Variants in DPP9 observed in about 807,000 individuals in gnomAD.
DPP9 encodes the protein dipeptidyl peptidase IV-related protein-2.
DPP9 carries 50 observed loss-of-function variants against 110.7 expected under a neutral mutation model. The observed-to-expected ratio is 0.45, with a 90% CI of 0.36 to 0.57. The LOEUF (loss-of-function observed/expected upper bound fraction) is 0.57, where lower values mean the gene tolerates loss of function less well. Among genes scored for constraint, DPP9 ranks in the 20% least tolerant of loss-of-function variants. The pLI, the probability that DPP9 is intolerant of heterozygous loss-of-function variation, is 0.00. For missense variants in DPP9, 1,022 were observed against 1,217.9 expected, an observed-to-expected ratio of 0.84 and a Z score of 2.39; for synonymous variants, 561 against 514.4, an observed-to-expected ratio of 1.09 and a Z score of -1.23.
intron 4 of DPP9, among the ~76,000 whole-genome samples, chr19:4,711,921 G>A (rs371959692): frequency 1.8e-4 from 27 of 152,164 alleles, no homozygotes; most frequent in African/African-American, 5.5e-4. Context: ...GCCACCAGAA[G>A]CTGCAAGAGG....
rs1469835822 is a variant in DPP9 at position 4,700,360 on chromosome 19, G to A, written c.1013-83C>T. Reference sequence around the variant, plus strand: ...CCGGCACGGGGGGCCTGGGCTGTGGGGTGACGTCCACAGAGAGGTGTACAA... The same window carrying A: ...CCGGCACGGGGGGCCTGGGCTGTGGAGTGACGTCCACAGAGAGGTGTACAA... On this transcript the variant is annotated intron_variant, in intron 9 of 21. Coordinates refer to ENST00000262960, the MANE Select transcript of DPP9 (RefSeq NM_139159.5). The surrounding 1 kb of genome is among the most constrained non-coding windows in gnomAD (Gnocchi z 4.3). The A allele has an allele frequency of 4.3e-6, 5 of 1,167,542 alleles. No individual in the cohort carries two copies. In the African/African-American group the frequency reaches 7.7e-5, roughly 18 times the overall value. 72.3% of individuals were successfully genotyped at this position (1,167,542 alleles called of 1,614,324 possible).
In DPP9 at chr19:4,700,641, G is replaced by A. The variant is rs892178963; in HGVS notation, c.1013-364C>T. On this transcript the variant is annotated intron_variant, in intron 9 of 21. Coordinates refer to ENST00000262960, the MANE Select transcript of DPP9 (RefSeq NM_139159.5). This position sits in a 1 kb window ranked among gnomAD's most constrained non-coding sequence, Gnocchi z 4.3. Reference sequence around the variant, plus strand: ...GCCTTGGGAGAGCTCCAGAGCAGACGGTGAAGCCCGAGGCATCACAGTAAA... The same window carrying A: ...GCCTTGGGAGAGCTCCAGAGCAGACAGTGAAGCCCGAGGCATCACAGTAAA... 2.0e-5 allele frequency among the ~76,000 whole-genome samples: 3 copies of A among 152,192 alleles called. No homozygotes were observed. Among genetic ancestry groups the A allele is most frequent in the Non-Finnish European group, 4.4e-5 (3 of 68,034 alleles).
chr19:4,680,977 C>T (rs1041279648), intron 20 of DPP9, among the ~76,000 whole-genome samples: 1 of 152,060 alleles, frequency 6.6e-6, no homozygotes, highest in East Asian at 1.9e-4. Flanking sequence ...CAAAAACCCA[C>T]CTAGGTCTGC....
Position 4,685,292 on chromosome 19 carries a change from C to A in DPP9, c.2031+334G>T. Reference sequence around the variant, plus strand: ...GCCAATCTGCTGCCTGCTTTTGACCCCTGCTCCAGGAATTGGGCCCAGGGC... The same window carrying A: ...GCCAATCTGCTGCCTGCTTTTGACCACTGCTCCAGGAATTGGGCCCAGGGC... On this transcript the variant is annotated intron_variant, in intron 17 of 21. Transcript: ENST00000262960. This position sits in a 1 kb window ranked among gnomAD's most constrained non-coding sequence, Gnocchi z 5.8. The A allele has an allele frequency of 1.8e-6, 1 of 553,666 alleles. No individual in the cohort carries two copies. 34.3% of individuals were successfully genotyped at this position (553,666 alleles called of 1,614,324 possible).
At chr19:4,705,087 A>T (rs941544645) in intron 5 of DPP9, among the ~76,000 whole-genome samples, 12 of 152,192 alleles carry the variant, frequency 7.9e-5, no homozygotes, top group Admixed American at 2.0e-4. Flanking sequence ...GGACTCAGAG[A>T]CAGGCCAAAG....
In DPP9 at chr19:4,704,333, C is replaced by T. The variant is rs373757822; in HGVS notation, c.427-29G>A. 31 of 1,588,976 alleles carry T rather than the reference C, an allele frequency of 2.0e-5. No homozygotes were observed. Among genetic ancestry groups the T allele is most frequent in the African/African-American group, 5.4e-5 (4 of 74,512 alleles). On this transcript the variant is annotated intron_variant, in intron 5 of 21. Transcript: ENST00000262960. This position sits in a 1 kb window ranked among gnomAD's most constrained non-coding sequence, Gnocchi z 6.0. ...GAAACATACAGGGGACAGGGGGCAG[C>T]GTCAGTGGGCAAAGAGGATCTCCCG... is the stretch of plus-strand genomic sequence containing the variant.
At chr19:4,679,315 A>C (rs1372628878) in intron 21 of DPP9, 1 of 147,088 alleles carries the variant, frequency 6.8e-6, no homozygotes, top group Non-Finnish European at 1.5e-5. Flanking sequence ...ACCTAGACTG[A>C]GCCCCACGTT....
rs561986228 is a variant in DPP9, at chr19:4,710,824, C to T, written c.313+3257G>A. 3.9e-5 allele frequency among the ~76,000 whole-genome samples: 6 copies of T among 152,190 alleles called. No individual in the cohort carries two copies. Among genetic ancestry groups the T allele is most frequent in the Admixed American group, 2.6e-4 (4 of 15,292 alleles). ...AGTCGTTGAAGGGTGAATTTCACCC[C>T]GAAAGGGGCAGTCTGGTTTTTGAGC... On this transcript the variant is annotated intron_variant, in intron 4 of 21. Coordinates refer to ENST00000262960, the MANE Select transcript of DPP9 (RefSeq NM_139159.5). The surrounding 1 kb of genome is among the most constrained non-coding windows in gnomAD (Gnocchi z 5.6).
In DPP9 at chr19:4,704,242, C is replaced by T. The variant is rs1044713183; in HGVS notation, c.489G>A (p.Leu163=). The T allele has an allele frequency of 8.1e-6, 13 of 1,613,992 alleles. No individual in the cohort carries two copies. The highest frequency in any genetic ancestry group is 1.0e-5 in the Non-Finnish European group (12 of 1,179,896). ...CGTAGGAGGTGATGCCGAAGACCCC[C>T]AGGCGTTTCCGCTCCCTCAGCAGCT... ...EEELLRERKR[L]GVFGITSYDF... The change falls in exon 6 of 22, where the codon CTG becomes CTA. Residue 163 remains leucine (L), a synonymous_variant. Coordinates refer to ENST00000262960, the MANE Select transcript of DPP9 (RefSeq NM_139159.5). This position sits in a 1 kb window ranked among gnomAD's most constrained non-coding sequence, Gnocchi z 6.0.
chr19:4,713,145 G>T (rs1046779766), intron 4 of DPP9, among the ~76,000 whole-genome samples: 1 of 152,240 alleles, frequency 6.6e-6, no homozygotes, highest in Non-Finnish European at 1.5e-5. Flanking sequence ...TGCAGTGGCC[G>T]GACGGCCCCA....
rs140412003 is a variant in DPP9 at position 4,685,426 on chromosome 19, G to T, written c.2031+200C>A. On this transcript the variant is annotated intron_variant, in intron 17 of 21. Transcript: ENST00000262960. This position sits in a 1 kb window ranked among gnomAD's most constrained non-coding sequence, Gnocchi z 5.8. ...AGGCCATCCAGGAAGGGCGGGGAGC[G>T]TGCAAACGGGCACAGAGAAAGGAGG... 1.5e-6 allele frequency: 1 copy of T among 676,276 alleles called. No homozygotes were observed. The highest frequency in any genetic ancestry group is 2.1e-5 in the Admixed American group (1 of 47,982). 41.9% of individuals were successfully genotyped at this position (676,276 alleles called of 1,614,324 possible). A position where few individuals can be genotyped will look rare whatever the true frequency, so the allele number is the denominator to read the frequency against.
At chr19:4,683,103 C>T (rs1383283634) in intron 19 of DPP9, 8 of 1,480,112 alleles carry the variant, frequency 5.4e-6, no homozygotes, top group South Asian at 1.2e-5. Flanking sequence ...CCGTCTGCCT[C>T]CTCCTCCTCC....
chr19:4,695,170 G>A lies in DPP9; in HGVS notation c.1353+208C>T, dbSNP rs138912897. ...TCTCTAATTAAAGAAAAAAATAGATGAGGGGAGAGGCTCCAATGGCTGCCA... is the reference window on the plus strand; with the variant it reads ...TCTCTAATTAAAGAAAAAAATAGATAAGGGGAGAGGCTCCAATGGCTGCCA... On this transcript the variant is annotated intron_variant, in intron 12 of 21. Transcript: ENST00000262960. The surrounding 1 kb of genome is among the most constrained non-coding windows in gnomAD (Gnocchi z 4.7). 2.1e-4 allele frequency: 126 copies of A among 586,514 alleles called. No individual in the cohort carries two copies. Among genetic ancestry groups the A allele is most frequent in the Middle Eastern group, 4.5e-4 (1 of 2,206 alleles). 36.3% of individuals were successfully genotyped at this position (586,514 alleles called of 1,614,324 possible).
intron 21 of DPP9, among the ~76,000 whole-genome samples, chr19:4,678,942 C>T (rs2089324109): frequency 6.6e-6 from 1 of 152,088 alleles, no homozygotes; most frequent in Non-Finnish European, 1.5e-5. Context: ...GGCAAGCCGC[C>T]CAACTCTATG....
Position 4,687,845 on chromosome 19 carries a change from T to TA in DPP9, c.1885+911dup, listed in dbSNP as rs2090928342. On this transcript the variant is annotated intron_variant, in intron 16 of 21. Transcript: ENST00000262960. This position sits in a 1 kb window ranked among gnomAD's most constrained non-coding sequence, Gnocchi z 4.7. Reference sequence around the variant, plus strand: ...CGGAGTCTCGCTCTGTCGCCCAGGCTAAAGTACAGTGGTGCGATCTCAGCT... The same window carrying TA: ...CGGAGTCTCGCTCTGTCGCCCAGGCTAAAAGTACAGTGGTGCGATCTCAGCT... Among the ~76,000 whole-genome samples the TA allele has an allele frequency of 6.6e-6, 1 of 152,090 alleles. No homozygotes were observed. The highest frequency in any genetic ancestry group is 2.1e-4 in the South Asian group (1 of 4,824).
Position 4,710,767 on chromosome 19 carries a change from G to A in DPP9, c.313+3314C>T, listed in dbSNP as rs1280409067. 6.6e-6 allele frequency among the ~76,000 whole-genome samples: 1 copy of A among 152,146 alleles called. No individual in the cohort carries two copies. Among genetic ancestry groups the A allele is most frequent in the Non-Finnish European group, 1.5e-5 (1 of 68,026 alleles). ...AACCTGGATGTGACGTGAGCTCAGT[G>A]CTGCCCCTGACAGTGTGAAGTGACA... On this transcript the variant is annotated intron_variant, in intron 4 of 21. Transcript: ENST00000262960. This position sits in a 1 kb window ranked among gnomAD's most constrained non-coding sequence, Gnocchi z 5.6.
Position 4,719,682 on chromosome 19 carries a change from G to C in DPP9, c.56+169C>G, listed in dbSNP as rs562871109. On this transcript the variant is annotated intron_variant, in intron 3 of 21. Transcript: ENST00000262960. Reference sequence around the variant, plus strand: ...TCCACAGTGCCGAGGGGGAGACCCCGCACTACGCCACACTGCCTCCTCGCT... The same window carrying C: ...TCCACAGTGCCGAGGGGGAGACCCCCCACTACGCCACACTGCCTCCTCGCT... 19 of 775,044 alleles carry C rather than the reference G, an allele frequency of 2.5e-5. No individual in the cohort carries two copies. The South Asian group carries it at 3.2e-4, about 13-fold the overall frequency. The allele number at this position is 775,044 out of a possible 1,614,324, so 48.0% of individuals were successfully genotyped here.
Position 4,689,975 on chromosome 19 carries a change from C to T in DPP9, c.1597-253G>A, listed in dbSNP as rs542066818. ...GGCGGGACCTGGGGCCTGCATTCCA[C>T]CCCCAGACAGCTCTTTCCTAGCTTG... On this transcript the variant is annotated intron_variant, in intron 14 of 21. Coordinates refer to ENST00000262960, the MANE Select transcript of DPP9 (RefSeq NM_139159.5). The surrounding 1 kb of genome is among the most constrained non-coding windows in gnomAD (Gnocchi z 7.0). Among the ~76,000 whole-genome samples the T allele has an allele frequency of 2.6e-5, 4 of 152,316 alleles. No homozygotes were observed. In the East Asian group the frequency reaches 7.7e-4, roughly 29 times the overall value.
intron 21 of DPP9, among the ~76,000 whole-genome samples, chr19:4,678,876 G>A (rs1030705950): frequency 6.6e-6 from 1 of 152,002 alleles, no homozygotes; most frequent in African/African-American, 2.4e-5. Context: ...TATGGACCAC[G>A]TCCCACTGTC....
Sources: gnomAD v4.1 joint callset for allele counts (sites outside exome capture counted in the v4.1 genomes callset) on GRCh38, gnomAD v4.1.1 for gene constraint, Gnocchi (gnomAD v3.1) non-coding constraint, MANE v1.5 for transcripts, NCBI Gene and HGNC (gene_info 2026-07-23, HGNC 2026-07-21) for gene names.